CSMD3: variants seen among roughly 807,000 people sequenced by gnomAD.
CSMD3 encodes CUB and sushi domain-containing protein 3.
A neutral mutation model predicts 435.2 loss-of-function variants in CSMD3; 177 were observed. The ratio of observed to expected loss-of-function variants is 0.41; its 90% CI spans 0.36 to 0.46. The LOEUF (loss-of-function observed/expected upper bound fraction) is 0.46. CSMD3 is among the 20% of genes least tolerant of loss of function. The probability of loss-of-function intolerance (pLI) is 0.34; values close to 1 mark genes in which losing one functional copy is unlikely to be tolerated. For missense variants in CSMD3, 4,265 were observed against 4,504.6 expected (o/e 0.95, Z 1.52); for synonymous variants, 1,656 against 1,520.5 (o/e 1.09, Z -2.07).
In CSMD3 at chr8:113,221,298, G is replaced by T. The variant is rs370788406; in HGVS notation, c.515-47382C>A. Among the ~76,000 whole-genome samples, 3 of 150,738 alleles carry T rather than the reference G, an allele frequency of 2.0e-5. No homozygotes were observed. The South Asian group carries it at 6.3e-4, about 31-fold the overall frequency. ...TCTTGAAGAATAGGAGTAAAGAGCT[G>T]CAATGTTTGTAATTCATTCTCAAAT... On this transcript the variant is annotated intron_variant, in intron 3 of 70. Transcript: ENST00000297405.
chr8:112,624,417 T>C (rs1834322295), intron 22 of CSMD3, among the ~76,000 whole-genome samples: 5 of 152,248 alleles, frequency 3.3e-5, no homozygotes, highest in Admixed American at 3.3e-4. Flanking sequence ...CTGCTCAAAA[T>C]GTTCATGCTG....
At chr8:113,102,708 AC>A in intron 4 of CSMD3, among the ~76,000 whole-genome samples, 1 of 152,256 alleles carries the variant, frequency 6.6e-6, no homozygotes, top group East Asian at 1.9e-4. Context: ...CTGCAGCTTC[AC>A]TGACACTTTT....
intron 13 of CSMD3, among the ~76,000 whole-genome samples, chr8:112,752,587 C>CAAATTTATTG (rs2077595639): frequency 6.6e-6 from 1 of 152,122 alleles, no homozygotes; most frequent in African/African-American, 2.4e-5. Flanking sequence ...AGATACTATC[C>CAAATTTATTG]AAATTTATTG....
At chr8:113,109,075 G>C (rs889157774) in intron 4 of CSMD3, among the ~76,000 whole-genome samples, 2 of 152,146 alleles carry the variant, frequency 1.3e-5, no homozygotes, top group Non-Finnish European at 2.9e-5. Context: ...TTAAAAACAA[G>C]TATAGAAGAG....
chr8:113,305,360 C>T (rs1472693273), intron 2 of CSMD3, among the ~76,000 whole-genome samples: 1 of 152,110 alleles, frequency 6.6e-6, no homozygotes. Context: ...GTGAGTTTCA[C>T]TTTACTAAAT....
intron 22 of CSMD3, among the ~76,000 whole-genome samples, chr8:112,622,598 C>T (rs935598243): frequency 1.3e-5 from 2 of 152,070 alleles, no homozygotes; most frequent in African/African-American, 2.4e-5. Context: ...ACAGATTAGG[C>T]CTTCTAATTT....
At chr8:112,791,358 C>A (rs1039559777) in intron 13 of CSMD3, among the ~76,000 whole-genome samples, 4 of 149,378 alleles carry the variant, frequency 2.7e-5, no homozygotes, top group Non-Finnish European at 4.4e-5. Flanking sequence ...ATGTGTCTAT[C>A]ACCCAGTAAA....
Position 112,352,469 on chromosome 8 carries a change from A to T in CSMD3, c.6202T>A (p.Tyr2068Asn), listed in dbSNP as rs777864689. The T allele has an allele frequency of 6.2e-7, 1 of 1,613,652 alleles. No homozygotes were observed. Among genetic ancestry groups the T allele is most frequent in the Non-Finnish European group, 8.5e-7 (1 of 1,179,748 alleles). The change falls in exon 39 of 71, where the codon TAT becomes AAT. Residue 2068 changes from tyrosine (Y) to asparagine (N), a missense_variant. Tyr to Asn is a moderately radical substitution (Grantham distance 143, BLOSUM62 -2). Around this residue, in one of 3 missense-constraint regions of CSMD3, gnomAD observed 3,255 missense variants for 3,380.2 expected, o/e 0.96. Transcript: ENST00000297405. ...PSSGIKIGDRYMVGDVVSFQC... is the reference protein window; with the variant it reads ...PSSGIKIGDRNMVGDVVSFQC... The stretch of plus-strand genomic sequence containing the variant: ...AAGGATACTACATCTCCAACCATAT[A>T]TCTGTCTCCAATTTTAATTCCACTG...
At chr8:112,557,705 G>C (rs2131230889) in intron 24 of CSMD3, among the ~76,000 whole-genome samples, 1 of 151,930 alleles carries the variant, frequency 6.6e-6, no homozygotes, top group Admixed American at 6.6e-5. Flanking sequence ...CACTCCATGG[G>C]GACAGAAGCT....
intron 60 of CSMD3, 119 bp from the exon 61 acceptor site, chr8:112,263,931 G>A (rs1363050779): frequency 3.4e-6 from 3 of 877,436 alleles, no homozygotes; most frequent in African/African-American, 1.7e-5. Context: ...AGGACAATAT[G>A]TTGTGACATA....
At chr8:112,493,326 AAAG>A (rs544735982) in intron 30 of CSMD3, among the ~76,000 whole-genome samples, 124 of 152,228 alleles carry the variant, frequency 8.1e-4, no homozygotes, top group African/African-American at 2.3e-3. Flanking sequence ...CTTTGGAAAA[AAAG>A]AAGGAGCCCT....
chr8:112,893,566 G>C (rs1240391161), intron 10 of CSMD3, among the ~76,000 whole-genome samples: 5 of 151,476 alleles, frequency 3.3e-5, no homozygotes, highest in Admixed American at 3.3e-4. Context: ...GTCAGGAAGT[G>C]GTGGAGCAGA....
rs73344055 is a variant in CSMD3, at chr8:112,833,288, G to A, written c.1756-3499C>T. 5.0e-3 allele frequency among the ~76,000 whole-genome samples: 767 copies of A among 152,014 alleles called. 3 individuals are homozygous for A. Among genetic ancestry groups the A allele is most frequent in the African/African-American group, 0.017 (713 of 41,502 alleles). On this transcript the variant is annotated intron_variant, in intron 11 of 70. Coordinates refer to ENST00000297405, the MANE Select transcript of CSMD3 (RefSeq NM_198123.2). ...ATTGAATATCCCTACACACAAGCCT[G>A]ACTTCTCTCTTCATTTATTTGGATC...
At chr8:112,770,322 T>G (rs2078080851) in intron 13 of CSMD3, among the ~76,000 whole-genome samples, 1 of 151,988 alleles carries the variant, frequency 6.6e-6, no homozygotes, top group African/African-American at 2.4e-5. Context: ...CTCTTTTTCT[T>G]GACCCTTCCA....
chr8:112,987,240 A>G (rs2085288777), intron 6 of CSMD3, among the ~76,000 whole-genome samples: 1 of 152,120 alleles, frequency 6.6e-6, no homozygotes, highest in African/African-American at 2.4e-5. Flanking sequence ...AGATATGAAG[A>G]TGAATATTCA....
chr8:112,239,010 C>A (rs2130021658), intron 66 of CSMD3, among the ~76,000 whole-genome samples: 1 of 152,102 alleles, frequency 6.6e-6, no homozygotes, highest in East Asian at 1.9e-4. Flanking sequence ...CAGGAGTATG[C>A]ACCTGTAACA....
chr8:112,474,381 A>G (rs1818835850), intron 31 of CSMD3, among the ~76,000 whole-genome samples: 1 of 152,150 alleles, frequency 6.6e-6, no homozygotes, highest in African/African-American at 2.4e-5. Flanking sequence ...AGTAACAAGA[A>G]TTATGACTAT....
At chr8:113,417,876 A>G (rs910543289) in intron 1 of CSMD3, among the ~76,000 whole-genome samples, 1 of 152,118 alleles carries the variant, frequency 6.6e-6, no homozygotes, top group African/African-American at 2.4e-5. Context: ...CTAGAACTCA[A>G]TGTATTATAA....
intron 10 of CSMD3, among the ~76,000 whole-genome samples, chr8:112,860,912 G>C (rs915114421): frequency 1.3e-5 from 2 of 151,736 alleles, no homozygotes; most frequent in Non-Finnish European, 3.0e-5. Flanking sequence ...TCTATGACTG[G>C]AAAGGACATT....
Sources: gnomAD v4.1 joint callset for allele counts (sites outside exome capture counted in the v4.1 genomes callset) on GRCh38, gnomAD v4.1.1 for gene constraint, gnomAD v4.1.1 regional missense constraint, MANE v1.5 for transcripts, NCBI Gene and HGNC (gene_info 2026-07-23, HGNC 2026-07-21) for gene names.